Variants in POC1B observed in about 807,000 individuals in gnomAD.
POC1B encodes POC1 centriolar protein homolog B.
A neutral mutation model predicts 60.6 loss-of-function variants in POC1B; 44 were observed. The observed-to-expected ratio is 0.73, with a 90% CI of 0.57 to 0.93. POC1B has a LOEUF of 0.93. Among genes scored for constraint, POC1B ranks in the 40% least tolerant of loss-of-function variants. POC1B has a pLI of 0.00. For synonymous variants in POC1B, 180 were observed against 198.9 expected (o/e 0.90, Z 0.80); for missense variants, 555 against 572.3 (o/e 0.97, Z 0.31).
the POC1B span, among the ~76,000 whole-genome samples, chr12:89,412,808 T>C: frequency 2.0e-5 from 1 of 49,128 alleles, no homozygotes; most frequent in East Asian, 1.2e-3. Context: ...GAAACACATG[T>C]TCCTTCCTTC....
chr12:89,525,852 GAC>G (rs1491128400), intron 1 of POC1B, 27 bp downstream of exon 1: 2 of 1,411,548 alleles, frequency 1.4e-6, no homozygotes, highest in Non-Finnish European at 1.9e-6. Context: ...TCCAGGGAGG[GAC>G]CCCCCCCACC....
chr12:89,487,048 T>C (rs1868673750), intron 4 of POC1B, among the ~76,000 whole-genome samples: 1 of 152,130 alleles, frequency 6.6e-6, no homozygotes, highest in Admixed American at 6.5e-5. Flanking sequence ...TGCTCTCTTC[T>C]GAATTAATAT....
chr12:89,482,171 G>A (rs912718778), intron 4 of POC1B, among the ~76,000 whole-genome samples: 1 of 152,118 alleles, frequency 6.6e-6, no homozygotes, highest in Non-Finnish European at 1.5e-5. Flanking sequence ...GGAAAAGACG[G>A]GCATCATGGG....
intron 10 of POC1B, among the ~76,000 whole-genome samples, chr12:89,457,644 T>C (rs1882312490): frequency 6.6e-6 from 1 of 152,368 alleles, no homozygotes; most frequent in South Asian, 2.1e-4. Flanking sequence ...TTTTATATAC[T>C]AGTGGAGTCT....
chr12:89,413,401 T>C, the POC1B span, among the ~76,000 whole-genome samples: 1 of 152,116 alleles, frequency 6.6e-6, no homozygotes, highest in Non-Finnish European at 1.5e-5. Context: ...CTCACTATGC[T>C]GCCCAGGCTG....
At chr12:89,492,558 C>T (rs1236104306) in intron 3 of POC1B, among the ~76,000 whole-genome samples, 1 of 152,146 alleles carries the variant, frequency 6.6e-6, no homozygotes, top group East Asian at 1.9e-4. Context: ...CTCAAGATAA[C>T]CTATGGGGAA....
At chr12:89,499,796 G>A (rs900464708) in intron 2 of POC1B, among the ~76,000 whole-genome samples, 3 of 152,184 alleles carry the variant, frequency 2.0e-5, no homozygotes, top group South Asian at 2.1e-4. Context: ...AATGTGGTAC[G>A]TAAAACAATA....
intron 2 of POC1B, among the ~76,000 whole-genome samples, chr12:89,504,481 G>A (rs1869796676): frequency 6.6e-6 from 1 of 152,028 alleles, no homozygotes; most frequent in African/African-American, 2.4e-5. Flanking sequence ...AGGCCGCAGG[G>A]TCCTCTGCCT....
intron 2 of POC1B, chr12:89,522,805 G>A: frequency 6.4e-7 from 1 of 1,567,726 alleles, no homozygotes; most frequent in South Asian, 1.2e-5. Flanking sequence ...CGAAAGTGCT[G>A]TTGTGCTCTA....
chr12:89,445,175 T>C (rs1197126343), intron 10 of POC1B, among the ~76,000 whole-genome samples: 1 of 152,174 alleles, frequency 6.6e-6, no homozygotes, highest in Non-Finnish European at 1.5e-5. Flanking sequence ...AAAATGGCCA[T>C]ACTGCCCAAG....
Position 89,525,898 on chromosome 12 carries a change from G to T in POC1B, c.-3C>A. 6.8e-7 allele frequency: 1 copy of T among 1,481,256 alleles called. No individual in the cohort carries two copies. The highest frequency in any genetic ancestry group is 9.0e-7 in the Non-Finnish European group (1 of 1,109,616). 91.8% of individuals were successfully genotyped at this position (1,481,256 alleles called of 1,614,324 possible). On this transcript the variant is annotated 5_prime_UTR_variant, in exon 1 of 12. Coordinates refer to ENST00000313546, the MANE Select transcript of POC1B (RefSeq NM_172240.3). The stretch of plus-strand genomic sequence containing the variant: ...GTCCTTACCGTGGCTGAGGCCATCG[G>T]GGGAGTGGTCGGCCCAAGGCTCCTG...
At chr12:89,521,772 C>G (rs3864928) in intron 2 of POC1B, 270,380 of 371,746 alleles carry the variant, frequency 0.73, 98,832 homozygotes, top group Middle Eastern at 0.83. Context: ...ATTGAAAGCA[C>G]CATTCACAAT....
intron 10 of POC1B, among the ~76,000 whole-genome samples, chr12:89,436,737 AC>A (rs1592584485): frequency 1.3e-5 from 2 of 151,956 alleles, no homozygotes; most frequent in South Asian, 2.1e-4. Flanking sequence ...CCAAAAAAAA[AC>A]CCAAAAAACA....
intron 10 of POC1B, chr12:89,428,460 T>C (rs1186322810): frequency 6.6e-6 from 1 of 152,292 alleles, no homozygotes; most frequent in Admixed American, 6.5e-5. Flanking sequence ...TCTCCCTCAC[T>C]AGACTACTAT....
intron 4 of POC1B, 98 bp from the exon 5 acceptor site, chr12:89,472,373 T>G (rs1285288425): frequency 2.1e-5 from 16 of 758,850 alleles, no homozygotes; most frequent in Non-Finnish European, 3.5e-5. Context: ...AAATATTAAA[T>G]ACCAGAGACC....
chr12:89,468,758 C>T (rs1882776889), intron 7 of POC1B, among the ~76,000 whole-genome samples: 1 of 152,038 alleles, frequency 6.6e-6, no homozygotes, highest in South Asian at 2.1e-4. Flanking sequence ...AACACCACTG[C>T]AGAATAAATG....
intron 1 of POC1B, chr12:89,525,492 C>G: frequency 7.6e-7 from 1 of 1,321,040 alleles, no homozygotes; most frequent in Non-Finnish European, 9.6e-7. Flanking sequence ...ATGCACGTTC[C>G]CGGGCCCCGC....
At chr12:89,451,304 G>A (rs2120768066) in intron 10 of POC1B, among the ~76,000 whole-genome samples, 1 of 152,168 alleles carries the variant, frequency 6.6e-6, no homozygotes, top group East Asian at 1.9e-4. Flanking sequence ...TGGAAAGTAG[G>A]TTAAAAAGTA....
intron 10 of POC1B, among the ~76,000 whole-genome samples, chr12:89,452,710 A>C (rs1380388339): frequency 1.3e-5 from 2 of 152,266 alleles, no homozygotes; most frequent in South Asian, 2.1e-4. Flanking sequence ...GGGGGAAAAG[A>C]AGCCTCTGGC....
Sources: gnomAD v4.1 joint callset for allele counts (sites outside exome capture counted in the v4.1 genomes callset) on GRCh38, gnomAD v4.1.1 for gene constraint, MANE v1.5 for transcripts, NCBI Gene and HGNC (gene_info 2026-07-23, HGNC 2026-07-21) for gene names.